FAM193A: variants seen among roughly 807,000 people sequenced by gnomAD.
The protein encoded by FAM193A is family with sequence similarity 193 member A, also known as protein FAM193A.
Under a neutral mutation model 126.5 loss-of-function variants are expected in FAM193A, and 22 were observed. The ratio of observed to expected loss-of-function variants is 0.17; its 90% CI spans 0.12 to 0.25. The LOEUF (loss-of-function observed/expected upper bound fraction) is 0.25. FAM193A is among the 10% of genes least tolerant of loss of function. The pLI is 1.00. For synonymous variants in FAM193A, 761 were observed against 646.8 expected (o/e 1.18, Z -2.68); for missense variants, 1,675 against 1,672.8 (o/e 1.00, Z -0.02).
intron 19 of FAM193A, among the ~76,000 whole-genome samples, chr4:2,700,971 C>T (rs9683572): frequency 0.5 from 75,921 of 151,186 alleles, 19,481 homozygotes; most frequent in Admixed American, 0.63. Context: ...TCAAAAAATA[C>T]ATATAGAGAG....
In FAM193A at chr4:2,732,177, T is replaced by A. The variant is rs984085669; in HGVS notation, c.*309T>A. On this transcript the variant is annotated 3_prime_UTR_variant, in exon 21 of 21. Coordinates refer to ENST00000637812, the MANE Select transcript of FAM193A (RefSeq NM_001366318.2). ...CGTGGCCAGATAGGAGTTTGCATCA[T>A]CCACGTGGCTCCGTTGCCTCTGCAT... 1.5e-5 allele frequency: 6 copies of A among 398,716 alleles called. No homozygotes were observed. Among genetic ancestry groups the A allele is most frequent in the African/African-American group, 8.2e-5 (4 of 48,966 alleles). 24.7% of individuals were successfully genotyped at this position (398,716 alleles called of 1,614,324 possible). A position where few individuals can be genotyped will look rare whatever the true frequency, so the allele number is the denominator to read the frequency against.
chr4:2,646,875 G>T (rs780740520), intron 7 of FAM193A, 43 bp downstream of exon 7: 3 of 1,567,028 alleles, frequency 1.9e-6, no homozygotes, highest in Non-Finnish European at 2.6e-6. Flanking sequence ...CACATCCTCA[G>T]ACGGCCCTGT....
At chr4:2,588,965 G>T (rs573790439) in intron 1 of FAM193A, among the ~76,000 whole-genome samples, 1 of 152,252 alleles carries the variant, frequency 6.6e-6, no homozygotes, top group East Asian at 1.9e-4. Context: ...AAGCTGTTTT[G>T]CCCTTTTGCT....
At chr4:2,682,496 T>C (rs1715267225) in intron 13 of FAM193A, among the ~76,000 whole-genome samples, 1 of 152,196 alleles carries the variant, frequency 6.6e-6, no homozygotes, top group Non-Finnish European at 1.5e-5. Context: ...CTTTGTCTTT[T>C]CATTGGTGTA....
chr4:2,677,432 G>GT lies in FAM193A; in HGVS notation c.2331+5068dup, dbSNP rs1044420029. ...TTTTGTTTTGTTTTGTTTTGTTTTT[G>GT]TTTTTTTTGTAGAGATTGTTTGGGT... On this transcript the variant is annotated intron_variant, in intron 13 of 20. Coordinates refer to ENST00000637812, the MANE Select transcript of FAM193A (RefSeq NM_001366318.2). 2.5e-4 allele frequency among the ~76,000 whole-genome samples: 38 copies of GT among 151,094 alleles called. 3 individuals are homozygous for GT. The highest frequency in any genetic ancestry group is 6.8e-4 in the African/African-American group (28 of 40,988).
intron 1 of FAM193A, among the ~76,000 whole-genome samples, chr4:2,585,419 GGT>G: frequency 1.3e-5 from 2 of 152,260 alleles, no homozygotes; most frequent in East Asian, 3.9e-4. Context: ...CAGCCTCTCT[GGT>G]GGGTAAATGG....
chr4:2,678,108 C>T (rs1344085624), intron 13 of FAM193A, among the ~76,000 whole-genome samples: 5 of 151,980 alleles, frequency 3.3e-5, no homozygotes, highest in Admixed American at 3.3e-4. Flanking sequence ...AACGATTCTC[C>T]TGCCTCAGCC....
At chr4:2,664,311 A>G (rs761297575) in intron 12 of FAM193A, among the ~76,000 whole-genome samples, 2 of 152,146 alleles carry the variant, frequency 1.3e-5, no homozygotes, top group Admixed American at 6.5e-5. Context: ...TAGATATCCA[A>G]TTGTTTCAGT....
At chr4:2,582,444 A>T (rs1478222169) in intron 1 of FAM193A, among the ~76,000 whole-genome samples, 2 of 151,300 alleles carry the variant, frequency 1.3e-5, no homozygotes, top group Non-Finnish European at 3.0e-5. Context: ...GTCAGTGTTT[A>T]TTTCCTTCCT....
chr4:2,608,892 C>CTT (rs747565544), intron 2 of FAM193A, among the ~76,000 whole-genome samples: 4,864 of 138,054 alleles, frequency 0.035, 130 homozygotes, highest in African/African-American at 0.05. Flanking sequence ...TGAATTTCAC[C>CTT]TTTTTTTTTT....
intron 19 of FAM193A, among the ~76,000 whole-genome samples, chr4:2,704,865 T>A (rs959453133): frequency 1.2e-4 from 18 of 152,228 alleles, no homozygotes; most frequent in African/African-American, 4.3e-4. Flanking sequence ...TCATACCTAT[T>A]TCTCATTTCT....
chr4:2,720,176 T>C (rs2109392605), intron 20 of FAM193A: 1 of 154,426 alleles, frequency 6.5e-6, no homozygotes, highest in Middle Eastern at 5.2e-4. Context: ...CATGGATCAG[T>C]AGATTTCCAA....
rs1299433202 is a variant in FAM193A at position 2,672,198 on chromosome 4, A to G, written c.2157A>G (p.Thr719=). 3 of 1,614,242 alleles carry G rather than the reference A, an allele frequency of 1.9e-6. No individual in the cohort carries two copies. In the Admixed American group the frequency reaches 5.0e-5, roughly 27 times the overall value. ...EASGLTPSAM[T]AGALPPGHQF... is the part of the protein sequence containing the mutation. ...CTGGACTGACACCATCTGCAATGAC[A>G]GCCGGAGCCCTTCCTCCTGGCCATC... Residue 719 remains threonine (T), a synonymous_variant, in exon 13 of 21, where the codon ACA becomes ACG. Coordinates refer to ENST00000637812, the MANE Select transcript of FAM193A (RefSeq NM_001366318.2).
At position 2,631,013 on chromosome 4, in the gene FAM193A, C is replaced by T. The variant is rs777368679; in HGVS notation, c.882C>T (p.Val294=). Residue 294 remains valine, a synonymous_variant, in exon 5 of 21, where the codon GTC becomes GTT. Coordinates refer to ENST00000637812, the MANE Select transcript of FAM193A (RefSeq NM_001366318.2). ...QAREYVLEMK[V]RLLRQLSAAA... ...GAGAGTATGTGCTGGAGATGAAGGT[C>T]CGCCTGCTCCGGCAGCTGTCGGCTG... 5.0e-6 allele frequency: 8 copies of T among 1,613,490 alleles called. No homozygotes were observed. The highest frequency in any genetic ancestry group is 2.2e-5 in the East Asian group (1 of 44,888).
chr4:2,614,769 A>G (rs918404704), intron 2 of FAM193A, among the ~76,000 whole-genome samples: 1 of 152,240 alleles, frequency 6.6e-6, no homozygotes, highest in Non-Finnish European at 1.5e-5. Context: ...ATTTTGAACT[A>G]CAAGTTCAAT....
chr4:2,542,017 A>T (rs868205756), intron 1 of FAM193A, among the ~76,000 whole-genome samples: 8 of 139,188 alleles, frequency 5.7e-5, no homozygotes, highest in African/African-American at 1.9e-4. Flanking sequence ...CACCTGGCAA[A>T]TTTTTTTTTT....
chr4:2,602,912 G>C (rs1055031019), intron 2 of FAM193A, among the ~76,000 whole-genome samples: 2 of 143,328 alleles, frequency 1.4e-5, no homozygotes, highest in African/African-American at 5.3e-5. Flanking sequence ...CGCCCGCCTC[G>C]TCCTCCCAAA....
chr4:2,613,068 T>C (rs1741972349), intron 2 of FAM193A, among the ~76,000 whole-genome samples: 1 of 152,180 alleles, frequency 6.6e-6, no homozygotes, highest in African/African-American at 2.4e-5. Flanking sequence ...TAACTCTTCA[T>C]TTATTTAGAT....
chr4:2,638,276 G>A (rs959017410), intron 5 of FAM193A, among the ~76,000 whole-genome samples: 4 of 152,228 alleles, frequency 2.6e-5, no homozygotes, highest in Non-Finnish European at 2.9e-5. Context: ...GACTATTGTA[G>A]CAGGAGGTAG....
Sources: allele counts gnomAD v4.1 joint callset (sites outside exome capture counted in the v4.1 genomes callset), GRCh38; gene constraint gnomAD v4.1.1; transcripts MANE v1.5; gene names NCBI Gene and HGNC (gene_info 2026-07-23, HGNC 2026-07-21).